CFAP46: variants seen among roughly 807,000 people sequenced by gnomAD.
The protein encoded by CFAP46 is cilia and flagella associated protein 46, also known as cilia- and flagella-associated protein 46.
Under a neutral mutation model 325.7 loss-of-function variants are expected in CFAP46, and 245 were observed. The observed-to-expected ratio is 0.75, with a 90% CI of 0.68 to 0.84. The LOEUF (loss-of-function observed/expected upper bound fraction) is 0.84. CFAP46 is among the 40% of genes least tolerant of loss of function. The pLI, the probability that CFAP46 is intolerant of heterozygous loss-of-function variation, is 0.00. For synonymous variants in CFAP46, 1,523 were observed against 1,495.9 expected (o/e 1.02, Z -0.42); for missense variants, 3,346 against 3,543.0 (o/e 0.94, Z 1.41).
intron 28 of CFAP46, among the ~76,000 whole-genome samples, chr10:132,880,437 G>GA (rs1280096854): frequency 6.6e-6 from 1 of 152,242 alleles, no homozygotes; most frequent in Admixed American, 6.5e-5. Context: ...CCCCCACCTC[G>GA]AGTCAGAAGC....
chr10:132,911,464 G>A lies in CFAP46; in HGVS notation c.2499+1191C>T, dbSNP rs756337825. Among the ~76,000 whole-genome samples, 112 of 152,258 alleles carry A rather than the reference G, an allele frequency of 7.4e-4. 1 individual carries two copies. Among genetic ancestry groups the A allele is most frequent in the Middle Eastern group, 6.8e-3 (2 of 294 alleles). ...AGGGTGGGGACAGCTCCCCCGCCCC[G>A]TGCCCCTGCGGAGACACTCAAGGCC... On this transcript the variant is annotated intron_variant, in intron 19 of 57. Coordinates refer to ENST00000368586, the MANE Select transcript of CFAP46 (RefSeq NM_001200049.3).
At chr10:132,859,981 G>A (rs940269719) in intron 37 of CFAP46, among the ~76,000 whole-genome samples, 1 of 152,230 alleles carries the variant, frequency 6.6e-6, no homozygotes, top group African/African-American at 2.4e-5. Context: ...CTTGAACCAG[G>A]GAGTCGGAGG....
At chr10:132,911,623 G>C (rs748867157) in intron 19 of CFAP46, among the ~76,000 whole-genome samples, 2 of 152,174 alleles carry the variant, frequency 1.3e-5, no homozygotes, top group Non-Finnish European at 2.9e-5. Flanking sequence ...ATGGGCAATG[G>C]CTCATCAAAC....
At chr10:132,883,532 T>C (rs1339579353) in intron 27 of CFAP46, among the ~76,000 whole-genome samples, 1 of 152,220 alleles carries the variant, frequency 6.6e-6, no homozygotes, top group Non-Finnish European at 1.5e-5. Flanking sequence ...GGCAACCCTG[T>C]GAGGCCGCTG....
rs1237022390 is a variant in CFAP46, at chr10:132,824,410, G to A, written c.7117+8948C>T. The stretch of plus-strand genomic sequence containing the variant: ...TGCTGTGTGTGCTGATGTGTGTTTT[G>A]TGTGCTGTGTGAGTGCTGATGTGTG... On this transcript the variant is annotated intron_variant, in intron 50 of 57. Transcript: ENST00000368586. Among the ~76,000 whole-genome samples, 5 of 141,026 alleles carry A rather than the reference G, an allele frequency of 3.5e-5. 1 individual carries two copies. Among genetic ancestry groups the A allele is most frequent in the African/African-American group, 8.1e-5 (3 of 36,848 alleles). 92.5% of individuals were successfully genotyped at this position (141,026 alleles called of 152,430 possible).
chr10:132,913,349 G>T, intron 17 of CFAP46, 91 bp from the exon 18 acceptor site: 1 of 784,630 alleles, frequency 1.3e-6, no homozygotes. Flanking sequence ...TAGGAACCAG[G>T]CTGCAGGGCA....
At chr10:132,907,172 G>A (rs1849468933) in intron 22 of CFAP46, among the ~76,000 whole-genome samples, 1 of 152,264 alleles carries the variant, frequency 6.6e-6, no homozygotes, top group Admixed American at 6.5e-5. Flanking sequence ...CTGGCCATTT[G>A]GCCACAGAAA....
intron 50 of CFAP46, among the ~76,000 whole-genome samples, chr10:132,819,389 G>A (rs957069282): frequency 6.6e-6 from 1 of 152,148 alleles, no homozygotes; most frequent in Non-Finnish European, 1.5e-5. Flanking sequence ...AAATAGAAAA[G>A]CAATCCTAAA....
intron 25 of CFAP46, among the ~76,000 whole-genome samples, chr10:132,890,683 C>T (rs901949695): frequency 6.6e-6 from 1 of 152,088 alleles, no homozygotes; most frequent in African/African-American, 2.4e-5. Context: ...GTATCCCCAT[C>T]TCCTGCTCAG....
chr10:132,922,970 G>A (rs78352593), intron 11 of CFAP46, among the ~76,000 whole-genome samples: 8,412 of 152,348 alleles, frequency 0.055, 262 homozygotes, highest in African/African-American at 0.066. Context: ...AAACCTGGGC[G>A]CTAGTGCAAG....
intron 39 of CFAP46, among the ~76,000 whole-genome samples, chr10:132,856,888 T>G (rs1172788036): frequency 6.6e-6 from 1 of 152,244 alleles, no homozygotes; most frequent in Non-Finnish European, 1.5e-5. Context: ...TATGTGTTCT[T>G]CAGGCTTGGG....
intron 48 of CFAP46, 106 bp from the exon 49 acceptor site, chr10:132,834,229 G>A (rs72855928): frequency 0.017 from 17,053 of 1,001,228 alleles, 203 homozygotes; most frequent in Non-Finnish European, 0.021. Flanking sequence ...GCAGCACCAC[G>A]AATCCCCACG....
Position 132,884,358 on chromosome 10 carries a change from C to T in CFAP46, c.3627+745G>A, listed in dbSNP as rs1383140679. On this transcript the variant is annotated intron_variant, in intron 27 of 57. Transcript: ENST00000368586. The surrounding 1 kb of genome is among the most constrained non-coding windows in gnomAD (Gnocchi z 5.4). ...GAGACCCCCAACCATCCTCAGTTCC[C>T]GATGCCAAGGGCCCCCTGGACCCCA... 6.6e-6 allele frequency among the ~76,000 whole-genome samples: 1 copy of T among 152,206 alleles called. No individual in the cohort carries two copies. Among genetic ancestry groups the T allele is most frequent in the Non-Finnish European group, 1.5e-5 (1 of 68,030 alleles).
intron 41 of CFAP46, among the ~76,000 whole-genome samples, chr10:132,848,734 C>G (rs7894689): frequency 0.23 from 35,580 of 152,218 alleles, 7,518 homozygotes; most frequent in African/African-American, 0.57. Flanking sequence ...TGGCAGCCCA[C>G]TCGGGCCCCC....
intron 12 of CFAP46, 21 bp from the exon 13 acceptor site, chr10:132,922,245 T>A: frequency 6.5e-7 from 1 of 1,545,188 alleles, no homozygotes; most frequent in South Asian, 1.2e-5. Flanking sequence ...CAGAGACTGA[T>A]GAGCAAGGGG....
At position 132,809,037 on chromosome 10, in the gene CFAP46, G is replaced by A. The variant is rs1224700427; in HGVS notation, c.7665-133C>T. The stretch of plus-strand genomic sequence containing the variant: ...CGCTCTGGGGAACACACTGCCATTC[G>A]CCAGGCCTCCAGGGCGCCCCCACCA... On this transcript the variant is annotated intron_variant, in intron 57 of 57. Coordinates refer to ENST00000368586, the MANE Select transcript of CFAP46 (RefSeq NM_001200049.3). 13 of 938,864 alleles carry A rather than the reference G, an allele frequency of 1.4e-5. No homozygotes were observed. In the Admixed American group the frequency reaches 1.5e-4, roughly 11 times the overall value. The allele number at this position is 938,864 out of a possible 1,614,324, so 58.2% of individuals were successfully genotyped here.
At chr10:132,861,166 C>G (rs1368923158) in intron 35 of CFAP46, among the ~76,000 whole-genome samples, 184 bp from the exon 36 acceptor site, 3 of 152,226 alleles carry the variant, frequency 2.0e-5, no homozygotes, top group African/African-American at 7.2e-5. Flanking sequence ...GCCGCCCTCG[C>G]ACTCCCTGGC....
At position 132,810,415 on chromosome 10, in the gene CFAP46, T is replaced by C. The variant is rs753574836; in HGVS notation, c.7658A>G (p.Glu2553Gly). ...CAGGCCGCCCCTCCCTTACCTTGGT[T>C]CACCGCCTCGTCGCCACTCATCTTC... ...PSEDEWRRGG[E>G]PRRGFSDLEG... The change falls in exon 57 of 58, where the codon GAA becomes GGA. Residue 2553 changes from glutamate to glycine, a missense_variant. Transcript: ENST00000368586. 7.4e-6 allele frequency: 12 copies of C among 1,613,202 alleles called. No individual in the cohort carries two copies. The highest frequency in any genetic ancestry group is 1.6e-4 in the Middle Eastern group (1 of 6,084).
chr10:132,941,307 G>GCCCCA (rs1375800259), intron 3 of CFAP46, among the ~76,000 whole-genome samples: 2 of 152,192 alleles, frequency 1.3e-5, no homozygotes, highest in Non-Finnish European at 2.9e-5. Flanking sequence ...CAGCACGCCC[G>GCCCCA]CCCCACCCCA....
Sources: gnomAD v4.1 joint callset for allele counts (sites outside exome capture counted in the v4.1 genomes callset) on GRCh38, gnomAD v4.1.1 for gene constraint, Gnocchi (gnomAD v3.1) non-coding constraint, MANE v1.5 for transcripts, NCBI Gene and HGNC (gene_info 2026-07-23, HGNC 2026-07-21) for gene names.